Variants in CC2D2B observed in about 807,000 individuals in gnomAD.
The protein encoded by CC2D2B is coiled-coil and C2 domain containing 2B.
CC2D2B carries 128 observed loss-of-function variants against 161.2 expected under a neutral mutation model. That is an observed-to-expected ratio of 0.79 (90% confidence interval 0.69 to 0.92). CC2D2B has a LOEUF of 0.92. Ranked by LOEUF, CC2D2B falls within the 40% of genes least tolerant of loss-of-function variation. CC2D2B has a pLI of 0.00. For synonymous variants in CC2D2B, 391 were observed against 449.8 expected (o/e 0.87, Z 1.65); for missense variants, 1,173 against 1,375.1 (o/e 0.85, Z 2.32).
At chr10:95,978,476 C>A (rs912219703) in intron 17 of CC2D2B, among the ~76,000 whole-genome samples, 7 of 152,184 alleles carry the variant, frequency 4.6e-5, no homozygotes, top group Non-Finnish European at 8.8e-5. Flanking sequence ...CCTGCCTCAG[C>A]CTCCCGAGTA....
chr10:95,934,249 C>T (rs1009724997), intron 6 of CC2D2B, among the ~76,000 whole-genome samples: 4 of 152,128 alleles, frequency 2.6e-5, no homozygotes, highest in Non-Finnish European at 5.9e-5. Flanking sequence ...TTGAGCGTCC[C>T]AGGTCGACTT....
intron 6 of CC2D2B, among the ~76,000 whole-genome samples, chr10:95,930,680 G>A (rs902056305): frequency 3.9e-5 from 6 of 152,132 alleles, no homozygotes; most frequent in African/African-American, 1.4e-4. Context: ...TTTACGTGAT[G>A]GATTATGTTT....
chr10:96,013,861 T>G lies in CC2D2B; in HGVS notation c.3500T>G (p.Ile1167Arg). 6.3e-7 allele frequency: 1 copy of G among 1,581,968 alleles called. No homozygotes were observed. The highest frequency in any genetic ancestry group is 8.6e-7 in the Non-Finnish European group (1 of 1,157,620). Residue 1167 changes from isoleucine to arginine, a missense_variant, in exon 29 of 35, where the codon ATA becomes AGA. Physicochemically the swap from Ile to Arg is moderately conservative, Grantham distance 97 (BLOSUM62 -3). This residue lies in a region of CC2D2B where 598 missense variants were observed against 693.2 expected (regional missense o/e 0.86). Coordinates refer to ENST00000646931, the MANE Select transcript of CC2D2B (RefSeq NM_001349008.3). ...CCAGATGAAAATGATGGCTCTGATATATGGATGACATCAGAGGTAATAAAT... is the reference window on the plus strand; with the variant it reads ...CCAGATGAAAATGATGGCTCTGATAGATGGATGACATCAGAGGTAATAAAT... ...NTPDENDGSD[I>R]WMTSEHCISL...
chr10:95,955,589 T>C (rs576124444), intron 11 of CC2D2B, 98 bp downstream of exon 11: 1 of 394,418 alleles, frequency 2.5e-6, no homozygotes, highest in East Asian at 3.6e-5. Context: ...AAGTACACAA[T>C]CCTTACTTTT....
Position 95,965,949 on chromosome 10 carries a change from CTG to C in CC2D2B, c.1305_1306del (p.Lys437GlufsTer3). The C allele has an allele frequency of 2.5e-6, 3 of 1,219,326 alleles. No individual in the cohort carries two copies. The highest frequency in any genetic ancestry group is 3.1e-6 in the Non-Finnish European group (3 of 976,992). 75.5% of individuals were successfully genotyped at this position (1,219,326 alleles called of 1,614,324 possible). On this transcript the variant is annotated frameshift_variant, in exon 13 of 35. Transcript: ENST00000646931. LOFTEE classifies it high-confidence loss of function. ...GAGCAAATCTCAGAAATGTCTGAAACTGAGAAGAAAAATGAAGGAAAAGAACT... is the reference window on the plus strand; with the variant it reads ...GAGCAAATCTCAGAAATGTCTGAAACAGAAGAAAAATGAAGGAAAAGAACT...
At chr10:95,968,159 C>T (rs7921331) in intron 14 of CC2D2B, among the ~76,000 whole-genome samples, 89,169 of 151,968 alleles carry the variant, frequency 0.59, 26,745 homozygotes, top group Admixed American at 0.66. Flanking sequence ...ATAGGGTGGC[C>T]TCCCCACTGT....
intron 17 of CC2D2B, among the ~76,000 whole-genome samples, chr10:95,976,646 C>T (rs2077325302): frequency 6.6e-6 from 1 of 152,196 alleles, no homozygotes; most frequent in Admixed American, 6.5e-5. Flanking sequence ...CAAAGGAGAA[C>T]TGAAAGGCAG....
At chr10:96,025,190 AAAATATATATATATAT>A (rs2079692203) in intron 33 of CC2D2B, among the ~76,000 whole-genome samples, 1 of 52,974 alleles carries the variant, frequency 1.9e-5, no homozygotes, top group Admixed American at 2.0e-4. Flanking sequence ...TATATAAAAA[AAAATATATATATATAT>A]ATATATATAT....
rs1329373718 is a variant in CC2D2B at position 96,029,274 on chromosome 10, A to ATC, written c.4125+1886_4125+1887insCT. Among the ~76,000 whole-genome samples, 108 of 65,224 alleles carry ATC rather than the reference A, an allele frequency of 1.7e-3. 1 individual carries two copies. Among genetic ancestry groups the ATC allele is most frequent in the South Asian group, 3.7e-3 (8 of 2,138 alleles). The allele number at this position is 65,224 out of a possible 152,430, so 42.8% of individuals were successfully genotyped here. On this transcript the variant is annotated intron_variant, in intron 34 of 34. Coordinates refer to ENST00000646931, the MANE Select transcript of CC2D2B (RefSeq NM_001349008.3). ...TATATATATATATATATATATATAT[A>ATC]TATATATATATGTATATATATATAT...
At chr10:95,969,943 A>G (rs2077065728) in intron 15 of CC2D2B, among the ~76,000 whole-genome samples, 1 of 152,190 alleles carries the variant, frequency 6.6e-6, no homozygotes, top group Admixed American at 6.5e-5. Context: ...AGAGGAATCT[A>G]GTTAAGAGAT....
chr10:96,015,858 C>T (rs193153715), intron 29 of CC2D2B, among the ~76,000 whole-genome samples: 6 of 152,258 alleles, frequency 3.9e-5, no homozygotes, highest in Non-Finnish European at 2.9e-5. Context: ...TAAGGTTCCT[C>T]GAAATACCAG....
intron 4 of CC2D2B, 135 bp downstream of exon 4, chr10:95,924,525 C>CTATA: frequency 1.7e-6 from 1 of 575,170 alleles, no homozygotes; most frequent in Non-Finnish European, 3.1e-6. Flanking sequence ...CTTCCTCTCT[C>CTATA]TCTCTATATA....
intron 32 of CC2D2B, among the ~76,000 whole-genome samples, chr10:96,024,462 G>C (rs1564682531): frequency 6.6e-6 from 1 of 152,142 alleles, no homozygotes; most frequent in Non-Finnish European, 1.5e-5. Flanking sequence ...AGAGCAGTAG[G>C]CACTATTATT....
At chr10:95,956,841 A>G (rs1261235570) in intron 11 of CC2D2B, among the ~76,000 whole-genome samples, 8 of 152,176 alleles carry the variant, frequency 5.3e-5, no homozygotes, top group Non-Finnish European at 7.4e-5. Flanking sequence ...CTATGTACAT[A>G]GTTGTTCTAC....
intron 11 of CC2D2B, among the ~76,000 whole-genome samples, chr10:95,958,056 C>CAA (rs566532492): frequency 7.3e-6 from 1 of 137,498 alleles, no homozygotes; most frequent in Non-Finnish European, 1.6e-5. Flanking sequence ...GAAACTATGC[C>CAA]AAAAAAAAAA....
intron 6 of CC2D2B, among the ~76,000 whole-genome samples, chr10:95,935,318 A>C (rs1259923428): frequency 5.3e-5 from 8 of 152,158 alleles, no homozygotes; most frequent in African/African-American, 1.9e-4. Flanking sequence ...TTCTGCCTTC[A>C]AAGTATTCCC....
chr10:95,921,134 A>G, intron 2 of CC2D2B: 1 of 152,524 alleles, frequency 6.6e-6, no homozygotes, highest in Non-Finnish European at 1.5e-5. Context: ...CAAATTTATT[A>G]GGACCCCAGA....
rs565063183 is a variant in CC2D2B at position 95,914,855 on chromosome 10, G to C, written c.36+3496G>C. ...ATAGAGTCAGGTAATGTGATTTCTC[G>C]AGTCTTGTGTTTTCCTGCTCAGGAT... On this transcript the variant is annotated intron_variant, in intron 2 of 34. Transcript: ENST00000646931. 2.4e-4 allele frequency among the ~76,000 whole-genome samples: 37 copies of C among 152,234 alleles called. 1 individual carries two copies. Among genetic ancestry groups the C allele is most frequent in the Non-Finnish European group, 5.9e-5 (4 of 68,006 alleles).
chr10:95,961,083 T>C (rs1390499257), intron 11 of CC2D2B, among the ~76,000 whole-genome samples: 2 of 152,218 alleles, frequency 1.3e-5, no homozygotes, highest in African/African-American at 4.8e-5. Flanking sequence ...TTGCATCTTC[T>C]TTTTTGTAAA....
Sources: allele counts gnomAD v4.1 joint callset (sites outside exome capture counted in the v4.1 genomes callset), GRCh38; gene constraint gnomAD v4.1.1; regional missense constraint gnomAD v4.1.1; transcripts MANE v1.5; gene names NCBI Gene and HGNC (gene_info 2026-07-23, HGNC 2026-07-21).